Variants in METTL8 observed in about 807,000 individuals in gnomAD.
METTL8 encodes methyltransferase 8, tRNA N3-cytidine, also known as tRNA N(3)-cytidine methyltransferase METTL8, mitochondrial.
METTL8 carries 32 observed loss-of-function variants against 48.7 expected under a neutral mutation model. That is an observed-to-expected ratio of 0.66 (90% CI 0.50 to 0.88). The LOEUF (loss-of-function observed/expected upper bound fraction) is 0.88, where lower values mean the gene tolerates loss of function less well. METTL8 is among the 40% of genes least tolerant of loss of function. METTL8 has a pLI of 0.00. For missense variants in METTL8, 464 were observed against 474.4 expected, an observed-to-expected ratio of 0.98 and a Z score of 0.20; for synonymous variants, 136 against 157.1, an observed-to-expected ratio of 0.87 and a Z score of 1.01.
At chr2:171,372,953 T>C (rs941962075) in intron 2 of METTL8, among the ~76,000 whole-genome samples, 12 of 152,244 alleles carry the variant, frequency 7.9e-5, no homozygotes, top group East Asian at 7.7e-4. Context: ...TACGTGTGCA[T>C]GTGTCTTTAT....
chr2:171,388,797 A>G (rs189983355), intron 2 of METTL8, among the ~76,000 whole-genome samples: 161 of 152,328 alleles, frequency 1.1e-3, no homozygotes, highest in African/African-American at 3.7e-3. Flanking sequence ...AATTCTTGCA[A>G]TATTTCAAAC....
chr2:171,354,339 G>A (rs1183726409), intron 3 of METTL8, among the ~76,000 whole-genome samples: 3 of 152,216 alleles, frequency 2.0e-5, no homozygotes, highest in Non-Finnish European at 4.4e-5. Flanking sequence ...CTGTTAGTCT[G>A]ATGGGTTACC....
At chr2:171,428,865 G>A (rs1692683301) in intron 1 of METTL8, among the ~76,000 whole-genome samples, 1 of 152,054 alleles carries the variant, frequency 6.6e-6, no homozygotes, top group African/African-American at 2.4e-5. Flanking sequence ...AAGGCACATT[G>A]GCTTGAGAAA....
At chr2:171,430,829 T>C (rs536179752) in intron 1 of METTL8, among the ~76,000 whole-genome samples, 19 of 152,312 alleles carry the variant, frequency 1.2e-4, no homozygotes, top group South Asian at 1.0e-3. Context: ...TTTGGTGCAC[T>C]TTCCTCTGAT....
At position 171,340,018 on chromosome 2, in the gene METTL8, GA is replaced by G. The variant is rs890557871; in HGVS notation, c.236-465del. Among the ~76,000 whole-genome samples, 79 of 151,870 alleles carry G rather than the reference GA, an allele frequency of 5.2e-4. 1 individual carries two copies. The highest frequency in any genetic ancestry group is 1.9e-4 in the Non-Finnish European group (13 of 67,966). ...TCGAGACCAGCCTGGCCAACATAGT[GA>G]AACCCCATCTCTACTAAAAATACAA... On this transcript the variant is annotated intron_variant, in intron 3 of 9. Coordinates refer to ENST00000375258, the MANE Select transcript of METTL8 (RefSeq NM_001321154.2).
chr2:171,337,086 T>C (rs1481786893), intron 5 of METTL8, among the ~76,000 whole-genome samples: 1 of 151,952 alleles, frequency 6.6e-6, no homozygotes, highest in Non-Finnish European at 1.5e-5. Flanking sequence ...AGGCTGGTCT[T>C]GAACTCCTGA....
At chr2:171,391,203 T>A (rs1688549104) in intron 2 of METTL8, among the ~76,000 whole-genome samples, 1 of 152,230 alleles carries the variant, frequency 6.6e-6, no homozygotes, top group East Asian at 1.9e-4. Context: ...TAGCATTTTT[T>A]AGCAAGAAAT....
rs1684603721 is a variant in METTL8 at position 171,322,920 on chromosome 2, A to G, written c.*1252T>C. 6.6e-6 allele frequency: 1 copy of G among 152,238 alleles called. No individual in the cohort carries two copies. The highest frequency in any genetic ancestry group is 6.5e-5 in the Admixed American group (1 of 15,282). The allele number at this position is 152,238 out of a possible 1,614,324, so 9.4% of individuals were successfully genotyped here. ...ATATGGGTAACTTCCTGATGTTGCC[A>G]TGGCATTTGTAAACTATCATGGCAC... On this transcript the variant is annotated 3_prime_UTR_variant, in exon 10 of 10. Transcript: ENST00000375258.
At chr2:171,342,815 T>G (rs1251186413) in intron 3 of METTL8, among the ~76,000 whole-genome samples, 1 of 152,168 alleles carries the variant, frequency 6.6e-6, no homozygotes, top group African/African-American at 2.4e-5. Context: ...TCTTGATTAA[T>G]TTGTGGGAAT....
rs945297302 is a variant in METTL8, at chr2:171,320,715, T to C, written c.*3457A>G. The stretch of plus-strand genomic sequence containing the variant: ...TCTTGGGCAAATTTTAATGTTTATA[T>C]TTACTGACTTATGCATGTTTAAACA... On this transcript the variant is annotated 3_prime_UTR_variant, in exon 10 of 10. Coordinates refer to ENST00000375258, the MANE Select transcript of METTL8 (RefSeq NM_001321154.2). The C allele has an allele frequency of 6.6e-6, 1 of 152,250 alleles. No individual in the cohort carries two copies. Among genetic ancestry groups the C allele is most frequent in the African/African-American group, 2.4e-5 (1 of 41,468 alleles). 9.4% of individuals were successfully genotyped at this position (152,250 alleles called of 1,614,324 possible).
chr2:171,361,665 A>C (rs1331166531), intron 2 of METTL8, among the ~76,000 whole-genome samples: 1 of 152,194 alleles, frequency 6.6e-6, no homozygotes, highest in Non-Finnish European at 1.5e-5. Flanking sequence ...ACAGAAATTT[A>C]ATAACTTATT....
At chr2:171,345,695 A>G (rs1195864980) in intron 3 of METTL8, among the ~76,000 whole-genome samples, 1 of 152,214 alleles carries the variant, frequency 6.6e-6, no homozygotes, top group Non-Finnish European at 1.5e-5. Context: ...TGCTTGACAT[A>G]GATAACTTTC....
intron 1 of METTL8, among the ~76,000 whole-genome samples, chr2:171,409,438 C>CTG: frequency 6.6e-6 from 1 of 152,260 alleles, no homozygotes. Flanking sequence ...CCACCTCCCA[C>CTG]TGTCTAGCAA....
At chr2:171,328,216 G>A (rs1266743699) in intron 7 of METTL8, among the ~76,000 whole-genome samples, 2 of 152,152 alleles carry the variant, frequency 1.3e-5, no homozygotes, top group Non-Finnish European at 2.9e-5. Flanking sequence ...CTGGATAGAG[G>A]GAGAGGAGAA....
chr2:171,366,520 A>T lies in METTL8; in HGVS notation c.144-6007T>A, dbSNP rs145678251. ...ACTATTAGACATGCAAATCAAGAGA[A>T]AAGTCAGTCAATAAATATAGACTTT... On this transcript the variant is annotated intron_variant, in intron 2 of 9. Transcript: ENST00000375258. Among the ~76,000 whole-genome samples, 21 of 152,340 alleles carry T rather than the reference A, an allele frequency of 1.4e-4. 1 individual carries two copies. The South Asian group carries it at 2.5e-3, about 18-fold the overall frequency.
At position 171,325,936 on chromosome 2, in the gene METTL8, T is replaced by C. The variant is rs760043109; in HGVS notation, c.968-30A>G. ...AAAAAATTGTGAAAAGAGAAACTCTTAAGGGTATTCCTTTAAAAAAAAACA... is the reference window on the plus strand; with the variant it reads ...AAAAAATTGTGAAAAGAGAAACTCTCAAGGGTATTCCTTTAAAAAAAAACA... On this transcript the variant is annotated intron_variant, in intron 8 of 9. Coordinates refer to ENST00000375258, the MANE Select transcript of METTL8 (RefSeq NM_001321154.2). The C allele has an allele frequency of 3.4e-6, 5 of 1,486,880 alleles. No individual in the cohort carries two copies. The East Asian group carries it at 6.8e-5, about 20-fold the overall frequency. 92.1% of individuals were successfully genotyped at this position (1,486,880 alleles called of 1,614,324 possible). A position where few individuals can be genotyped will look rare whatever the true frequency, so the allele number is the denominator to read the frequency against.
chr2:171,420,187 C>CA (rs758059047), intron 1 of METTL8, among the ~76,000 whole-genome samples: 1 of 152,040 alleles, frequency 6.6e-6, no homozygotes, highest in South Asian at 2.1e-4. Context: ...CCTGTCTCTA[C>CA]AAAAAATATA....
chr2:171,350,131 G>A (rs1683732575), intron 3 of METTL8, among the ~76,000 whole-genome samples: 1 of 151,978 alleles, frequency 6.6e-6, no homozygotes, highest in African/African-American at 2.4e-5. Context: ...CCCCACAATA[G>A]GCCCCAGTGT....
rs1347286868 is a variant in METTL8, at chr2:171,340,956, C to T, written c.236-1402G>A. ...CAAATATGCATTTTATGATGTCATC[C>T]TGTGGTCAGGGTTAGGTCAATAGTC... On this transcript the variant is annotated intron_variant, in intron 3 of 9. Transcript: ENST00000375258. Among the ~76,000 whole-genome samples, 4 of 152,322 alleles carry T rather than the reference C, an allele frequency of 2.6e-5. No individual in the cohort carries two copies. The East Asian group carries it at 7.7e-4, about 29-fold the overall frequency.
Sources: gnomAD v4.1 joint callset for allele counts (sites outside exome capture counted in the v4.1 genomes callset) on GRCh38, gnomAD v4.1.1 for gene constraint, MANE v1.5 for transcripts, NCBI Gene and HGNC (gene_info 2026-07-23, HGNC 2026-07-21) for gene names.